The following MYH2 variants were observed in gnomAD, a reference collection of about 807,000 sequenced individuals.
MYH2 encodes the protein myosin heavy chain 2, also known as myosin-2.
MYH2 carries 139 observed loss-of-function variants against 228.1 expected under a neutral mutation model. The ratio of observed to expected loss-of-function variants is 0.61; its 90% CI spans 0.53 to 0.70. The LOEUF (loss-of-function observed/expected upper bound fraction) is 0.70, where lower values mean the gene tolerates loss of function less well. MYH2 is among the 30% of genes least tolerant of loss of function. MYH2 has a pLI of 0.00. For synonymous variants in MYH2, 796 were observed against 871.1 expected, an observed-to-expected ratio of 0.91 and a Z score of 1.52; for missense variants, 1,809 against 2,357.5, an observed-to-expected ratio of 0.77 and a Z score of 4.82.
In MYH2 at chr17:10,543,821, G is replaced by C. The variant is rs774417322; in HGVS notation, c.649-18C>G. On this transcript the variant is annotated intron_variant, in intron 7 of 39. Coordinates refer to ENST00000245503, the MANE Select transcript of MYH2 (RefSeq NM_017534.6). ...AGAGTCCCCTGCAAAGGCAAGAGCAGTCCTTGCATCTGGGGCTTGGGAATT... is the reference window on the plus strand; with the variant it reads ...AGAGTCCCCTGCAAAGGCAAGAGCACTCCTTGCATCTGGGGCTTGGGAATT... 12 of 1,614,064 alleles carry C rather than the reference G, an allele frequency of 7.4e-6. No individual in the cohort carries two copies. In the Admixed American group the frequency reaches 2.0e-4, roughly 27 times the overall value.
intron 2 of MYH2, among the ~76,000 whole-genome samples, chr17:10,548,641 T>C (rs2073664123): frequency 6.6e-6 from 1 of 152,200 alleles, no homozygotes; most frequent in Non-Finnish European, 1.5e-5. Context: ...CCCCTTAAAC[T>C]AATTAGGGAT....
In MYH2 at chr17:10,531,887, C is replaced by T; in HGVS notation, c.2443G>A (p.Glu815Lys). The change falls in exon 22 of 40, where the codon GAG becomes AAG. Residue 815 changes from glutamate (E) to lysine (K), a missense_variant and splice_region_variant. Around this residue, in one of 9 missense-constraint regions of MYH2, gnomAD observed 276 missense variants for 344.2 expected, o/e 0.80. Coordinates refer to ENST00000245503, the MANE Select transcript of MYH2 (RefSeq NM_017534.6). ...VEYQRMVERR[E>K]AIFCIQYNIR... ...TTGTACTGGATACAGAAGATGGCCT[C>T]CCTGAAATTTAATTGATGCAAATTA... 1 of 1,614,034 alleles carries T rather than the reference C, an allele frequency of 6.2e-7. No individual in the cohort carries two copies. Among genetic ancestry groups the T allele is most frequent in the Non-Finnish European group, 8.5e-7 (1 of 1,179,956 alleles).
At chr17:10,544,453 AC>A (rs1319411097) in intron 5 of MYH2, among the ~76,000 whole-genome samples, 1 of 152,202 alleles carries the variant, frequency 6.6e-6, no homozygotes, top group African/African-American at 2.4e-5. Flanking sequence ...GAAGCACCAG[AC>A]TTTTTCTTTT....
At chr17:10,527,946 T>A in intron 27 of MYH2, 72 bp from the exon 28 acceptor site, 1 of 1,536,494 alleles carries the variant, frequency 6.5e-7, no homozygotes, top group Non-Finnish European at 8.9e-7. Flanking sequence ...GCAGTTACTG[T>A]AACTTCTCCC....
At position 10,547,338 on chromosome 17, in the gene MYH2, A is replaced by T. The variant is rs1248317831; in HGVS notation, c.348+137T>A. ...TGAGCTGTGCTTTACGATAGCAATC[A>T]TGAAGCCTTTTAACTAGTTATGCTG... is the stretch of plus-strand genomic sequence containing the variant. On this transcript the variant is annotated intron_variant, in intron 4 of 39. Transcript: ENST00000245503. 5.1e-6 allele frequency: 6 copies of T among 1,172,184 alleles called. No homozygotes were observed. In the East Asian group the frequency reaches 1.4e-4, roughly 27 times the overall value. 72.6% of individuals were successfully genotyped at this position (1,172,184 alleles called of 1,614,324 possible). A position where few individuals can be genotyped will look rare whatever the true frequency, so the allele number is the denominator to read the frequency against.
intron 14 of MYH2, among the ~76,000 whole-genome samples, chr17:10,538,675 A>G (rs563623137): frequency 1.3e-5 from 2 of 151,944 alleles, no homozygotes; most frequent in African/African-American, 4.8e-5. Context: ...CAAAATATTA[A>G]CATTATATAT....
intron 21 of MYH2, 83 bp downstream of exon 21, chr17:10,533,202 T>C: frequency 6.3e-7 from 1 of 1,584,424 alleles, no homozygotes; most frequent in Non-Finnish European, 8.7e-7. Context: ...TTTAGTGTCC[T>C]TATCATAAGC....
In MYH2 at chr17:10,523,130, T is replaced by C. The variant is rs1199613300; in HGVS notation, c.5633A>G (p.Gln1878Arg). The change falls in exon 39 of 40, where the codon CAG becomes CGG. Residue 1878 changes from glutamine to arginine, a missense_variant. Physicochemically the swap from Gln to Arg is conservative, Grantham distance 43. Around this residue, in one of 9 missense-constraint regions of MYH2, gnomAD observed 278 missense variants for 308.5 expected, o/e 0.90. Coordinates refer to ENST00000245503, the MANE Select transcript of MYH2 (RefSeq NM_017534.6). ...LRLQDLVDKL[Q>R]AKVKSYKRQA... is the part of the protein sequence containing the mutation. ...TCTCTTATAAGATTTCACTTTTGCC[T>C]GAAGTTTATCTACCAAATCTTGAAG... 1 of 1,614,074 alleles carries C rather than the reference T, an allele frequency of 6.2e-7. No individual in the cohort carries two copies. The highest frequency in any genetic ancestry group is 1.1e-5 in the South Asian group (1 of 91,080).
chr17:10,526,904 T>C, intron 29 of MYH2, 34 bp downstream of exon 29: 2 of 1,613,174 alleles, frequency 1.2e-6, no homozygotes, highest in Non-Finnish European at 1.7e-6. Context: ...AATCAGCTCA[T>C]GAGGGAAAAA....
chr17:10,547,100 T>A (rs2073645095), intron 4 of MYH2, among the ~76,000 whole-genome samples: 1 of 151,984 alleles, frequency 6.6e-6, no homozygotes, highest in Non-Finnish European at 1.5e-5. Flanking sequence ...CAAAAAAAAA[T>A]TAAAATAGTT....
At chr17:10,546,617 A>G (rs142678608) in intron 4 of MYH2, among the ~76,000 whole-genome samples, 87 of 152,138 alleles carry the variant, frequency 5.7e-4, no homozygotes, top group Middle Eastern at 3.4e-3. Flanking sequence ...AAACATGGTT[A>G]GTGTTAAGGC....
At chr17:10,539,588 T>C (rs1385464157) in intron 12 of MYH2, 26 bp from the exon 13 acceptor site, 1 of 1,591,334 alleles carries the variant, frequency 6.3e-7, no homozygotes, top group Non-Finnish European at 8.6e-7. Context: ...AGTAGAACAA[T>C]GTTATTGTGG....
At position 10,521,441 on chromosome 17, in the gene MYH2, A is replaced by G; in HGVS notation, c.5674-9T>C. The G allele has an allele frequency of 6.2e-7, 1 of 1,613,842 alleles. No individual in the cohort carries two copies. Among genetic ancestry groups the G allele is most frequent in the Non-Finnish European group, 8.5e-7 (1 of 1,179,734 alleles). ...GTGTTGGATTGTTCCTCCTGAGAAT[A>G]AAAATGGAATTGTAAGGAACTCATA... On this transcript the variant is annotated splice_polypyrimidine_tract_variant and intron_variant, in intron 39 of 39. Coordinates refer to ENST00000245503, the MANE Select transcript of MYH2 (RefSeq NM_017534.6).
At chr17:10,536,365 A>G (rs1465513775) in intron 17 of MYH2, among the ~76,000 whole-genome samples, 165 bp downstream of exon 17, 2 of 152,208 alleles carry the variant, frequency 1.3e-5, no homozygotes, top group Admixed American at 1.3e-4. Context: ...TTGCCCAGCG[A>G]GATGTCAAAG....
intron 17 of MYH2, 26 bp from the exon 18 acceptor site, chr17:10,535,391 AT>A: frequency 6.3e-7 from 1 of 1,590,092 alleles, no homozygotes; most frequent in Non-Finnish European, 8.6e-7. Context: ...AAATCCTGTC[AT>A]TTTAGGCTCT....
At chr17:10,540,532 T>C (rs1219273055) in intron 11 of MYH2, 62 bp downstream of exon 11, 8 of 1,365,778 alleles carry the variant, frequency 5.9e-6, no homozygotes, top group Admixed American at 1.8e-5. Flanking sequence ...ACTGAATATT[T>C]ATCTGGATCA....
rs1248185725 is a variant in MYH2 at position 10,529,626 on chromosome 17, C to T, written c.3055G>A (p.Glu1019Lys). Residue 1019 changes from glutamate (E) to lysine (K), a missense_variant, in exon 24 of 40, where the codon GAG becomes AAG. Glu to Lys is a moderately conservative substitution (Grantham distance 56, BLOSUM62 1). Transcript: ENST00000245503. The stretch of plus-strand genomic sequence containing the variant: ...GTCAGGGTGTTGACTTTGTCCTCCT[C>T]TGCCTGCAGGTCATCCAGGGTCTGC... ...HQQTLDDLQAEEDKVNTLTKA... is the reference protein window; with the variant it reads ...HQQTLDDLQAKEDKVNTLTKA... 2.5e-6 allele frequency: 4 copies of T among 1,614,126 alleles called. No individual in the cohort carries two copies. Among genetic ancestry groups the T allele is most frequent in the Non-Finnish European group, 3.4e-6 (4 of 1,180,044 alleles).
Position 10,535,087 on chromosome 17 carries a change from T to C in MYH2, c.2166A>G (p.Ala722=), listed in dbSNP as rs1003300717. ...GAGAAACTGACCTCTGTTTGAAGTC[T>C]GCATAAAGGATTCTGCTTGGAAATC... ...RKGFPSRILY[A]DFKQRYKVLN... is the part of the protein sequence containing the mutation. The change falls in exon 19 of 40, where the codon GCA becomes GCG. Residue 722 remains alanine, a synonymous_variant. Transcript: ENST00000245503. The C allele has an allele frequency of 8.1e-6, 13 of 1,614,164 alleles. No individual in the cohort carries two copies. The highest frequency in any genetic ancestry group is 1.1e-5 in the Non-Finnish European group (13 of 1,179,990).
chr17:10,538,501 C>T (rs1035957872), intron 14 of MYH2, among the ~76,000 whole-genome samples: 5 of 151,666 alleles, frequency 3.3e-5, no homozygotes, highest in African/African-American at 7.3e-5. Context: ...AAACATTAGC[C>T]GGGTGTGGTG....
Sources: allele counts gnomAD v4.1 joint callset (sites outside exome capture counted in the v4.1 genomes callset), GRCh38; gene constraint gnomAD v4.1.1; regional missense constraint gnomAD v4.1.1; transcripts MANE v1.5; gene names NCBI Gene and HGNC (gene_info 2026-07-23, HGNC 2026-07-21).